Variants in PLCXD3 observed in about 807,000 individuals in gnomAD.
The protein encoded by PLCXD3 is PI-PLC X domain-containing protein 3.
PLCXD3 carries 19 observed loss-of-function variants against 25.5 expected under a neutral mutation model. That is an observed-to-expected ratio of 0.75 (90% CI 0.52 to 1.09). The LOEUF is 1.09. PLCXD3 is among the 50% of genes least tolerant of loss of function. PLCXD3 has a pLI of 0.00. For synonymous variants in PLCXD3, 174 were observed against 137.6 expected (o/e 1.26, Z -1.85); for missense variants, 411 against 388.1 (o/e 1.06, Z -0.50).
intron 1 of PLCXD3, chr5:41,475,829 C>T (rs527809892): frequency 6.4e-6 from 3 of 466,084 alleles, no homozygotes; most frequent in Non-Finnish European, 1.3e-5. Flanking sequence ...AAGGGATGAA[C>T]ATAGAAATGA....
intron 1 of PLCXD3, among the ~76,000 whole-genome samples, chr5:41,453,669 T>A (rs1231653491): frequency 6.6e-6 from 1 of 152,074 alleles, no homozygotes; most frequent in African/African-American, 2.4e-5. Context: ...GCACGGCATC[T>A]AGCATGTGGT....
In PLCXD3 at chr5:41,313,299, T is replaced by C. The variant is rs2150466686; in HGVS notation, c.*318A>G. Reference sequence around the variant, plus strand: ...CAGCGTAGGAGTCATAGGCTGGAAATAGAGAACCTAATCAAGTAAACACTC... The same window carrying C: ...CAGCGTAGGAGTCATAGGCTGGAAACAGAGAACCTAATCAAGTAAACACTC... On this transcript the variant is annotated 3_prime_UTR_variant, in exon 3 of 3. Coordinates refer to ENST00000377801, the MANE Select transcript of PLCXD3 (RefSeq NM_001005473.3). 3.7e-6 allele frequency: 1 copy of C among 267,060 alleles called. No homozygotes were observed. Among genetic ancestry groups the C allele is most frequent in the Non-Finnish European group, 7.2e-6 (1 of 139,130 alleles). The allele number at this position is 267,060 out of a possible 1,614,324, so 16.5% of individuals were successfully genotyped here.
chr5:41,395,163 A>G (rs1386372170), intron 1 of PLCXD3, among the ~76,000 whole-genome samples: 3 of 152,300 alleles, frequency 2.0e-5, no homozygotes, highest in Non-Finnish European at 2.9e-5. Context: ...AATTTTAACA[A>G]CAAGATGAAT....
intron 2 of PLCXD3, among the ~76,000 whole-genome samples, chr5:41,336,900 T>C (rs756389706): frequency 6.6e-6 from 1 of 152,130 alleles, no homozygotes; most frequent in Non-Finnish European, 1.5e-5. Context: ...GTAAACCTTC[T>C]GCACACAAAT....
Position 41,385,090 on chromosome 5 carries a change from T to C in PLCXD3, c.104-2556A>G, listed in dbSNP as rs189617715. On this transcript the variant is annotated intron_variant, in intron 1 of 2. Coordinates refer to ENST00000377801, the MANE Select transcript of PLCXD3 (RefSeq NM_001005473.3). ...ATAGTACTTCCCAATTTCAACATTT[T>C]CACTGAACTAGTAAGTTTTCTATTT... is the stretch of plus-strand genomic sequence containing the variant. Among the ~76,000 whole-genome samples, 13 of 152,246 alleles carry C rather than the reference T, an allele frequency of 8.5e-5. 1 individual carries two copies. In the East Asian group the frequency reaches 2.5e-3, roughly 29 times the overall value.
Position 41,312,092 on chromosome 5 carries a change from GT to G in PLCXD3, c.*1524del, listed in dbSNP as rs34664524. 58 of 147,808 alleles carry G rather than the reference GT, an allele frequency of 3.9e-4. No individual in the cohort carries two copies. Among genetic ancestry groups the G allele is most frequent in the South Asian group, 6.4e-4 (3 of 4,682 alleles). The allele number at this position is 147,808 out of a possible 1,614,324, so 9.2% of individuals were successfully genotyped here. On this transcript the variant is annotated 3_prime_UTR_variant, in exon 3 of 3. Transcript: ENST00000377801. ...ATAGGCAAGGATTATTGTGCTCTAA[GT>G]TTTTTTTTTTTATTTTTTAGAGTTG...
rs145463307 is a variant in PLCXD3 at position 41,447,294 on chromosome 5, A to C, written c.103+63130T>G. ...AGGTGGTTGTTAGCCAGGGTAAAAG[A>C]CTCAGTGGTAATTGAAATGAAATGA... On this transcript the variant is annotated intron_variant, in intron 1 of 2. Transcript: ENST00000377801. Among the ~76,000 whole-genome samples, 6 of 152,318 alleles carry C rather than the reference A, an allele frequency of 3.9e-5. No homozygotes were observed. The East Asian group carries it at 1.2e-3, about 29-fold the overall frequency.
chr5:41,416,887 C>T lies in PLCXD3; in HGVS notation c.104-34353G>A, dbSNP rs139322139. Among the ~76,000 whole-genome samples the T allele has an allele frequency of 4.7e-3, 711 of 152,146 alleles. 9 individuals carry two copies. The highest frequency in any genetic ancestry group is 0.016 in the African/African-American group (671 of 41,504). ...AAGATGAGGAATTCACCTTTTGGGACGGTGAAAAGTTTGCAACCAGGAATG... is the reference window on the plus strand; with the variant it reads ...AAGATGAGGAATTCACCTTTTGGGATGGTGAAAAGTTTGCAACCAGGAATG... On this transcript the variant is annotated intron_variant, in intron 1 of 2. Transcript: ENST00000377801.
chr5:41,490,885 G>C (rs555247559), intron 1 of PLCXD3, among the ~76,000 whole-genome samples: 2 of 152,174 alleles, frequency 1.3e-5, no homozygotes, highest in South Asian at 4.1e-4. Context: ...CAAGAAACCA[G>C]CTCCTGGATT....
chr5:41,320,645 C>T (rs929791681), intron 2 of PLCXD3, among the ~76,000 whole-genome samples: 1 of 152,150 alleles, frequency 6.6e-6, no homozygotes. Flanking sequence ...TACAGGCACC[C>T]GCCACCATGC....
intron 1 of PLCXD3, among the ~76,000 whole-genome samples, chr5:41,393,851 A>G (rs1362695136): frequency 6.6e-6 from 1 of 152,148 alleles, no homozygotes; most frequent in East Asian, 1.9e-4. Context: ...GATGGTGTGA[A>G]CCCAGGAGGC....
intron 2 of PLCXD3, among the ~76,000 whole-genome samples, chr5:41,325,894 G>A (rs1481945881): frequency 2.0e-5 from 3 of 152,108 alleles, no homozygotes; most frequent in African/African-American, 7.2e-5. Context: ...GTTTGGTGAG[G>A]GCTCCTTTCT....
chr5:41,395,770 C>G (rs1745983290), intron 1 of PLCXD3, among the ~76,000 whole-genome samples: 1 of 151,940 alleles, frequency 6.6e-6, no homozygotes, highest in African/African-American at 2.4e-5. Context: ...AATCCAAAAC[C>G]TGAACAGACC....
intron 1 of PLCXD3, among the ~76,000 whole-genome samples, chr5:41,420,435 C>G (rs1746792492): frequency 1.3e-5 from 2 of 152,302 alleles, no homozygotes; most frequent in African/African-American, 4.8e-5. Context: ...TTCCTCATCC[C>G]TCCAAAACAA....
intron 1 of PLCXD3, among the ~76,000 whole-genome samples, chr5:41,408,571 A>T (rs142941542): frequency 4.6e-5 from 7 of 152,264 alleles, no homozygotes; most frequent in African/African-American, 1.4e-4. Flanking sequence ...TTTTTTTAAA[A>T]CAAAAAGGTT....
intron 2 of PLCXD3, among the ~76,000 whole-genome samples, chr5:41,333,571 T>G (rs143017061): frequency 2.0e-5 from 3 of 152,280 alleles, no homozygotes; most frequent in Non-Finnish European, 4.4e-5. Flanking sequence ...TTTGCTAAAT[T>G]CATCTCTGTG....
chr5:41,375,350 C>T (rs146620261), intron 2 of PLCXD3, among the ~76,000 whole-genome samples: 26 of 152,162 alleles, frequency 1.7e-4, no homozygotes, highest in African/African-American at 5.5e-4. Context: ...TGCTCTGCCC[C>T]CTTCACCCCT....
At chr5:41,463,172 T>C (rs318085) in intron 1 of PLCXD3, among the ~76,000 whole-genome samples, 130,775 of 152,000 alleles carry the variant, frequency 0.86, 56,634 homozygotes, top group Middle Eastern at 0.9. Flanking sequence ...AACCATTGAT[T>C]CCACCTGTAT....
At chr5:41,453,627 A>G (rs550350012) in intron 1 of PLCXD3, among the ~76,000 whole-genome samples, 1 of 152,150 alleles carries the variant, frequency 6.6e-6, no homozygotes, top group South Asian at 2.1e-4. Flanking sequence ...TTTGAGAAAT[A>G]AAATAGTTAC....
Sources: allele counts gnomAD v4.1 joint callset (sites outside exome capture counted in the v4.1 genomes callset), GRCh38; gene constraint gnomAD v4.1.1; transcripts MANE v1.5; gene names NCBI Gene and HGNC (gene_info 2026-07-23, HGNC 2026-07-21).